The following TGFB2 variants were observed in gnomAD, a reference collection of about 807,000 sequenced individuals.
The protein encoded by TGFB2 is transforming growth factor beta-2 proprotein.
Under a neutral mutation model 42.7 loss-of-function variants are expected in TGFB2, and 13 were observed. The ratio of observed to expected loss-of-function variants is 0.30; its 90% CI spans 0.20 to 0.48. The LOEUF (loss-of-function observed/expected upper bound fraction) is 0.48, where lower values mean the gene tolerates loss of function less well. Ranked by LOEUF, TGFB2 falls within the 20% of genes least tolerant of loss-of-function variation. TGFB2 has a pLI of 0.99. For synonymous variants in TGFB2, 193 were observed against 193.6 expected (o/e 1.00, Z 0.03); for missense variants, 390 against 517.5 (o/e 0.75, Z 2.39).
intron 1 of TGFB2, among the ~76,000 whole-genome samples, chr1:218,370,477 A>G (rs908498657): frequency 6.6e-6 from 1 of 152,236 alleles, no homozygotes; most frequent in Non-Finnish European, 1.5e-5. Flanking sequence ...AGAATAGGAC[A>G]ATATGGTTAC....
At chr1:218,431,674 A>G (rs1659811170) in intron 2 of TGFB2, among the ~76,000 whole-genome samples, 1 of 152,248 alleles carries the variant, frequency 6.6e-6, no homozygotes, top group Non-Finnish European at 1.5e-5. Flanking sequence ...ATTTTGTAAA[A>G]ATGCACTGTT....
chr1:218,388,740 G>A (rs529586842), intron 1 of TGFB2, among the ~76,000 whole-genome samples: 11 of 152,284 alleles, frequency 7.2e-5, no homozygotes, highest in South Asian at 2.1e-4. Flanking sequence ...GCTGCTGTGC[G>A]TTTAGAGGAA....
intron 2 of TGFB2, among the ~76,000 whole-genome samples, chr1:218,429,520 C>T (rs549289599): frequency 7.2e-5 from 11 of 152,244 alleles, no homozygotes; most frequent in African/African-American, 2.6e-4. Context: ...TTTTTTCCCA[C>T]CTTTTGACTA....
chr1:218,350,691 A>AT (rs1347132626), intron 1 of TGFB2, among the ~76,000 whole-genome samples: 15 of 152,202 alleles, frequency 9.9e-5, no homozygotes, highest in African/African-American at 3.6e-4. Flanking sequence ...TATGTACTTT[A>AT]TTTTTTGTGG....
chr1:218,370,832 A>G (rs1657547519), intron 1 of TGFB2, among the ~76,000 whole-genome samples: 1 of 152,194 alleles, frequency 6.6e-6, no homozygotes, highest in Non-Finnish European at 1.5e-5. Context: ...CCATTAGCCA[A>G]AGCAGGTCAC....
intron 6 of TGFB2, among the ~76,000 whole-genome samples, chr1:218,439,734 A>C (rs1326939737): frequency 3.3e-5 from 5 of 152,208 alleles, no homozygotes; most frequent in Non-Finnish European, 7.3e-5. Flanking sequence ...TAATGTGGGC[A>C]AGGCCCTGTT....
chr1:218,388,475 G>A (rs10482763), intron 1 of TGFB2, among the ~76,000 whole-genome samples: 132 of 152,308 alleles, frequency 8.7e-4, no homozygotes, highest in African/African-American at 3.0e-3. Flanking sequence ...AGGTGGACCC[G>A]TGGCCCCCTC....
In TGFB2 at chr1:218,345,848, C is replaced by T. The variant is rs1335768337; in HGVS notation, c.-854C>T. ...GGGAGCTGGAGGCTGGAAGCGTTTG[C>T]AAGCGGCGGCGGCAGCAACGTGGAG... On this transcript the variant is annotated 5_prime_UTR_variant, in exon 1 of 7. Transcript: ENST00000366930. 6.6e-6 allele frequency among the ~76,000 whole-genome samples: 1 copy of T among 152,088 alleles called. No homozygotes were observed. Among genetic ancestry groups the T allele is most frequent in the Non-Finnish European group, 1.5e-5 (1 of 68,012 alleles).
chr1:218,357,082 G>A (rs567446053), intron 1 of TGFB2, among the ~76,000 whole-genome samples: 1 of 152,146 alleles, frequency 6.6e-6, no homozygotes, highest in African/African-American at 2.4e-5. Context: ...CATGGTGGTA[G>A]GCGCCTGTAA....
intron 1 of TGFB2, among the ~76,000 whole-genome samples, chr1:218,395,600 C>A (rs1364069266): frequency 6.1e-5 from 9 of 147,248 alleles, no homozygotes; most frequent in Non-Finnish European, 8.9e-5. Flanking sequence ...GATTTATTTT[C>A]TTTTCTTTTT....
At chr1:218,350,294 TC>T (rs1189538787) in intron 1 of TGFB2, among the ~76,000 whole-genome samples, 1 of 152,068 alleles carries the variant, frequency 6.6e-6, no homozygotes, top group Non-Finnish European at 1.5e-5. Context: ...GATTTTGTAC[TC>T]CCCCCAACAC....
At chr1:218,396,998 T>C (rs1004201990) in intron 1 of TGFB2, among the ~76,000 whole-genome samples, 3 of 152,232 alleles carry the variant, frequency 2.0e-5, no homozygotes, top group African/African-American at 7.2e-5. Context: ...CCAGGTGCAG[T>C]GGCTCACGCC....
intron 2 of TGFB2, among the ~76,000 whole-genome samples, chr1:218,419,928 C>G (rs968277498): frequency 5.3e-5 from 8 of 152,250 alleles, no homozygotes; most frequent in Non-Finnish European, 8.8e-5. Flanking sequence ...AAAAAACAAG[C>G]TCTTTATTTA....
chr1:218,393,116 G>T (rs571312849), intron 1 of TGFB2, among the ~76,000 whole-genome samples: 1 of 152,110 alleles, frequency 6.6e-6, no homozygotes, highest in Admixed American at 6.5e-5. Context: ...ATAATGACCC[G>T]CTACACCCAT....
At chr1:218,365,369 C>T (rs1463619698) in intron 1 of TGFB2, among the ~76,000 whole-genome samples, 1 of 152,172 alleles carries the variant, frequency 6.6e-6, no homozygotes, top group Admixed American at 6.5e-5. Context: ...CCTGGTTCTT[C>T]GGGCGGTTTT....
At chr1:218,354,910 T>G (rs1366836175) in intron 1 of TGFB2, among the ~76,000 whole-genome samples, 2 of 152,158 alleles carry the variant, frequency 1.3e-5, no homozygotes, top group Non-Finnish European at 2.9e-5. Context: ...TGTTTCTGTT[T>G]GTTTGTTTGT....
At chr1:218,407,043 A>C (rs1414118705) in intron 2 of TGFB2, among the ~76,000 whole-genome samples, 1 of 152,224 alleles carries the variant, frequency 6.6e-6, no homozygotes, top group African/African-American at 2.4e-5. Context: ...ACTACCACAC[A>C]AATGAATATG....
At chr1:218,429,927 A>C (rs1323373651) in intron 2 of TGFB2, among the ~76,000 whole-genome samples, 1 of 152,206 alleles carries the variant, frequency 6.6e-6, no homozygotes, top group Non-Finnish European at 1.5e-5. Context: ...TTAAGCATAC[A>C]ACTCAACTGG....
intron 1 of TGFB2, among the ~76,000 whole-genome samples, chr1:218,372,112 G>A (rs1657593490): frequency 6.6e-6 from 1 of 152,074 alleles, no homozygotes. Context: ...AGTAGCAACA[G>A]ATGCTGAGCT....
Sources: gnomAD v4.1 joint callset for allele counts (sites outside exome capture counted in the v4.1 genomes callset) on GRCh38, gnomAD v4.1.1 for gene constraint, MANE v1.5 for transcripts, NCBI Gene and HGNC (gene_info 2026-07-23, HGNC 2026-07-21) for gene names.